Variants in OPCML observed in about 807,000 individuals in gnomAD.
OPCML encodes opioid binding protein/cell adhesion molecule like.
OPCML carries 13 observed loss-of-function variants against 37.8 expected under a neutral mutation model. The observed-to-expected ratio is 0.34, with a 90% CI of 0.22 to 0.55. The LOEUF is 0.55. OPCML is among the 20% of genes least tolerant of loss of function. The pLI is 0.91. For missense variants in OPCML, 341 were observed against 435.6 expected (o/e 0.78, Z 1.93); for synonymous variants, 176 against 168.8 (o/e 1.04, Z -0.33).
chr11:132,481,867 C>A (rs905749465), intron 4 of OPCML, among the ~76,000 whole-genome samples: 1 of 149,758 alleles, frequency 6.7e-6, no homozygotes, highest in Non-Finnish European at 1.5e-5. Context: ...TTCTTTGAAA[C>A]CAACAAGAAC....
chr11:132,598,661 A>C (rs1937620619), intron 3 of OPCML, among the ~76,000 whole-genome samples: 1 of 152,160 alleles, frequency 6.6e-6, no homozygotes, highest in African/African-American at 2.4e-5. Context: ...GTTTCTCAGA[A>C]AGGCCATGGA....
chr11:133,181,853 T>C (rs970105928), intron 1 of OPCML, among the ~76,000 whole-genome samples: 5 of 152,168 alleles, frequency 3.3e-5, no homozygotes, highest in Non-Finnish European at 7.3e-5. Context: ...CACAGAGTAA[T>C]TGGAAGGCAG....
chr11:133,377,488 T>G (rs984229275), intron 1 of OPCML, among the ~76,000 whole-genome samples: 2 of 151,878 alleles, frequency 1.3e-5, no homozygotes, highest in African/African-American at 4.8e-5. Context: ...TCTTTCCCTC[T>G]TCCTGTCTGT....
chr11:133,408,069 A>T (rs1945561668), intron 1 of OPCML, among the ~76,000 whole-genome samples: 1 of 152,210 alleles, frequency 6.6e-6, no homozygotes, highest in Non-Finnish European at 1.5e-5. Context: ...ACTTTAAGTG[A>T]AACGATGTAT....
At chr11:133,154,991 A>G (rs995303289) in intron 1 of OPCML, among the ~76,000 whole-genome samples, 1 of 152,026 alleles carries the variant, frequency 6.6e-6, no homozygotes, top group Admixed American at 6.5e-5. Context: ...TGTTTATCCT[A>G]TTCCTGGGTT....
At chr11:132,913,661 C>T (rs1017767742) in intron 2 of OPCML, among the ~76,000 whole-genome samples, 8 of 152,164 alleles carry the variant, frequency 5.3e-5, no homozygotes, top group Non-Finnish European at 1.2e-4. Context: ...ACCCGCACTG[C>T]CTTGGGACTA....
chr11:132,519,863 T>C (rs2096288458), intron 4 of OPCML, among the ~76,000 whole-genome samples: 1 of 152,130 alleles, frequency 6.6e-6, no homozygotes, highest in African/African-American at 2.4e-5. Context: ...GACAAAGAAG[T>C]AGTAGCAAGA....
chr11:132,425,720 A>T (rs538976542), intron 7 of OPCML, among the ~76,000 whole-genome samples: 1 of 152,338 alleles, frequency 6.6e-6, no homozygotes, highest in South Asian at 2.1e-4. Context: ...ACCAGCTGAA[A>T]GCAAGCTTGG....
At chr11:133,115,434 A>G (rs1196881058) in intron 1 of OPCML, among the ~76,000 whole-genome samples, 1 of 152,258 alleles carries the variant, frequency 6.6e-6, no homozygotes, top group African/African-American at 2.4e-5. Flanking sequence ...TTCAGTGCCT[A>G]GAATTTCTAC....
chr11:132,517,680 G>A lies in OPCML; in HGVS notation c.505+11381C>T, dbSNP rs973402016. The stretch of plus-strand genomic sequence containing the variant: ...TTGATATAGCAATTGCATAGAGAAG[G>A]CTTTACAACATACAGCAGGCAGCAA... On this transcript the variant is annotated intron_variant, in intron 4 of 7. Coordinates refer to ENST00000524381, the MANE Select transcript of OPCML (RefSeq NM_001012393.5). Among the ~76,000 whole-genome samples the A allele has an allele frequency of 4.3e-4, 66 of 152,140 alleles. 3 individuals carry two copies. The highest frequency in any genetic ancestry group is 2.9e-5 in the Non-Finnish European group (2 of 68,028).
At chr11:132,611,303 C>T (rs377628112) in intron 3 of OPCML, among the ~76,000 whole-genome samples, 47 of 152,288 alleles carry the variant, frequency 3.1e-4, no homozygotes, top group Admixed American at 1.4e-3. Flanking sequence ...CTGGTCTCTA[C>T]ACCTGGAATG....
chr11:132,691,748 G>C (rs947721869), intron 2 of OPCML, among the ~76,000 whole-genome samples: 1 of 152,160 alleles, frequency 6.6e-6, no homozygotes, highest in Admixed American at 6.5e-5. Context: ...ATGAACATCT[G>C]ATTATTGTCA....
chr11:133,069,433 C>T (rs1035156124), intron 1 of OPCML, among the ~76,000 whole-genome samples: 2 of 152,174 alleles, frequency 1.3e-5, no homozygotes, highest in East Asian at 1.9e-4. Flanking sequence ...GTGCCAAGCT[C>T]TCCTATTCAC....
chr11:133,169,626 C>A (rs1381386109), intron 1 of OPCML, among the ~76,000 whole-genome samples: 1 of 152,090 alleles, frequency 6.6e-6, no homozygotes, highest in Non-Finnish European at 1.5e-5. Flanking sequence ...AAAAATTATT[C>A]CAGGATCATT....
At chr11:132,583,063 G>C (rs555894305) in intron 3 of OPCML, among the ~76,000 whole-genome samples, 1 of 151,658 alleles carries the variant, frequency 6.6e-6, no homozygotes, top group South Asian at 2.1e-4. Flanking sequence ...TTTTTGTTTT[G>C]TTTTGTTTTG....
chr11:133,247,593 T>TTCTTTCTTTCATCTG (rs1592139112), intron 1 of OPCML, among the ~76,000 whole-genome samples: 13 of 149,236 alleles, frequency 8.7e-5, no homozygotes, highest in South Asian at 4.3e-4. Context: ...TCATCTGTCT[T>TTCTTTCTTTCATCTG]TCTTTCTTTC....
chr11:132,594,928 G>A (rs73041758), intron 3 of OPCML, among the ~76,000 whole-genome samples: 3,995 of 152,238 alleles, frequency 0.026, 116 homozygotes, highest in East Asian at 0.054. Context: ...TCCCAACCCC[G>A]AGTTCAAGGC....
intron 1 of OPCML, among the ~76,000 whole-genome samples, chr11:133,115,548 C>T (rs1949320418): frequency 6.6e-6 from 1 of 151,928 alleles, no homozygotes; most frequent in Non-Finnish European, 1.5e-5. Context: ...CTATATAACA[C>T]TCAAAAAAGA....
chr11:132,596,413 T>C (rs2096492521), intron 3 of OPCML, among the ~76,000 whole-genome samples: 1 of 152,216 alleles, frequency 6.6e-6, no homozygotes, highest in Admixed American at 6.5e-5. Context: ...TACTTTTGTT[T>C]ATGAACATTT....
Sources: gnomAD v4.1 joint callset for allele counts (sites outside exome capture counted in the v4.1 genomes callset) on GRCh38, gnomAD v4.1.1 for gene constraint, MANE v1.5 for transcripts, NCBI Gene and HGNC (gene_info 2026-07-23, HGNC 2026-07-21) for gene names.